Variants in GRM3 observed in about 807,000 individuals in gnomAD.
The protein encoded by GRM3 is metabotropic glutamate receptor 3.
Under a neutral mutation model 70.5 loss-of-function variants are expected in GRM3, and 26 were observed. The observed-to-expected ratio is 0.37, with a 90% CI of 0.27 to 0.51. The LOEUF is 0.51. Ranked by LOEUF, GRM3 falls within the 20% of genes least tolerant of loss-of-function variation. The pLI is 0.93. For missense variants in GRM3, 859 were observed against 1,123.8 expected, an observed-to-expected ratio of 0.76 and a Z score of 3.37; for synonymous variants, 443 against 434.9, an observed-to-expected ratio of 1.02 and a Z score of -0.23.
chr7:86,675,107 G>A (rs182525010), intron 1 of GRM3, among the ~76,000 whole-genome samples: 39 of 152,166 alleles, frequency 2.6e-4, no homozygotes, highest in Admixed American at 1.4e-3. Flanking sequence ...ATATAAATTA[G>A]TATAGCACTA....
At chr7:86,844,106 C>T (rs1243182939) in intron 4 of GRM3, among the ~76,000 whole-genome samples, 1 of 152,088 alleles carries the variant, frequency 6.6e-6, no homozygotes, top group East Asian at 1.9e-4. Context: ...TAGGCAGAGT[C>T]TTGGGAATTG....
At chr7:86,802,129 G>A (rs1301124905) in intron 3 of GRM3, among the ~76,000 whole-genome samples, 2 of 152,032 alleles carry the variant, frequency 1.3e-5, no homozygotes. Flanking sequence ...AAATCCATCA[G>A]GTTGGTAGAT....
intron 1 of GRM3, among the ~76,000 whole-genome samples, chr7:86,744,962 T>C (rs754986802): frequency 7.2e-5 from 11 of 152,110 alleles, no homozygotes; most frequent in African/African-American, 9.6e-5. Flanking sequence ...CCCCTTGCTG[T>C]AGTCAAATCT....
intron 3 of GRM3, among the ~76,000 whole-genome samples, chr7:86,788,029 A>G (rs1189192330): frequency 6.6e-6 from 1 of 152,238 alleles, no homozygotes; most frequent in Non-Finnish European, 1.5e-5. Flanking sequence ...ATATTAAGTA[A>G]TATTTGGGGC....
In GRM3 at chr7:86,745,142, T is replaced by C. The variant is rs923802435; in HGVS notation, c.-140-19864T>C. Reference sequence around the variant, plus strand: ...GGTCATTTTCTTTTCCAGTTGGCTTTGTTAAACAGCAGCAAAATGTCTGGG... The same window carrying C: ...GGTCATTTTCTTTTCCAGTTGGCTTCGTTAAACAGCAGCAAAATGTCTGGG... On this transcript the variant is annotated intron_variant, in intron 1 of 5. Transcript: ENST00000361669. Among the ~76,000 whole-genome samples the C allele has an allele frequency of 5.9e-5, 9 of 152,232 alleles. No individual in the cohort carries two copies. The Middle Eastern group carries it at 0.01, about 173-fold the overall frequency.
chr7:86,708,635 C>T (rs1469948798), intron 1 of GRM3, among the ~76,000 whole-genome samples: 2 of 152,096 alleles, frequency 1.3e-5, no homozygotes, highest in Non-Finnish European at 1.5e-5. Context: ...TGGATTTAAA[C>T]ACATTTCCTC....
At chr7:86,671,038 C>G (rs935203765) in intron 1 of GRM3, among the ~76,000 whole-genome samples, 1 of 152,070 alleles carries the variant, frequency 6.6e-6, no homozygotes, top group Admixed American at 6.6e-5. Context: ...ATATGAAACA[C>G]ATTTTTGTTT....
At chr7:86,853,723 TTATC>T (rs1798796280) in intron 5 of GRM3, among the ~76,000 whole-genome samples, 1 of 152,160 alleles carries the variant, frequency 6.6e-6, no homozygotes, top group Non-Finnish European at 1.5e-5. Flanking sequence ...TTCCTCCACT[TTATC>T]TATTCCTGCA....
At chr7:86,702,067 A>G (rs888244328) in intron 1 of GRM3, among the ~76,000 whole-genome samples, 1 of 151,968 alleles carries the variant, frequency 6.6e-6, no homozygotes, top group Non-Finnish European at 1.5e-5. Context: ...TTATTTATTT[A>G]TTTCGTTGTA....
intron 1 of GRM3, among the ~76,000 whole-genome samples, chr7:86,764,094 T>C (rs796609684): frequency 6.6e-6 from 1 of 152,126 alleles, no homozygotes; most frequent in Non-Finnish European, 1.5e-5. Flanking sequence ...GATCCATTCA[T>C]AGACACGCAG....
At chr7:86,840,900 C>G (rs1034667497) in intron 4 of GRM3, among the ~76,000 whole-genome samples, 1 of 151,848 alleles carries the variant, frequency 6.6e-6, no homozygotes, top group Non-Finnish European at 1.5e-5. Flanking sequence ...AATTGCAGCC[C>G]AAAAAGAAGA....
At chr7:86,689,855 T>C (rs911639026) in intron 1 of GRM3, among the ~76,000 whole-genome samples, 4 of 152,070 alleles carry the variant, frequency 2.6e-5, no homozygotes, top group Admixed American at 2.6e-4. Context: ...TTTCATAAAA[T>C]CCCCTATATA....
intron 1 of GRM3, among the ~76,000 whole-genome samples, chr7:86,700,474 T>C (rs1794922943): frequency 6.6e-6 from 1 of 151,922 alleles, no homozygotes; most frequent in Admixed American, 6.6e-5. Context: ...CTCACATCAG[T>C]CCCCAGCTAC....
intron 3 of GRM3, among the ~76,000 whole-genome samples, chr7:86,823,686 G>A (rs992597279): frequency 3.4e-5 from 4 of 118,442 alleles, no homozygotes; most frequent in East Asian, 2.2e-4. Flanking sequence ...TTCTTTTCCC[G>A]GGTTCTAAAC....
chr7:86,766,252 G>A (rs1249911664), intron 2 of GRM3, among the ~76,000 whole-genome samples: 1 of 152,024 alleles, frequency 6.6e-6, no homozygotes, highest in Non-Finnish European at 1.5e-5. Flanking sequence ...AAGGCATAAT[G>A]TCATGGAACT....
At chr7:86,806,058 T>G (rs1039585715) in intron 3 of GRM3, among the ~76,000 whole-genome samples, 2 of 152,144 alleles carry the variant, frequency 1.3e-5, no homozygotes, top group African/African-American at 4.8e-5. Context: ...TTCATCCATG[T>G]CCCTGCAAAG....
chr7:86,654,633 C>G (rs1793689111), intron 1 of GRM3, among the ~76,000 whole-genome samples: 1 of 152,192 alleles, frequency 6.6e-6, no homozygotes, highest in South Asian at 2.1e-4. Context: ...TGACATTTTT[C>G]TTCTGTTTAG....
intron 1 of GRM3, among the ~76,000 whole-genome samples, chr7:86,763,422 G>C (rs1159660793): frequency 6.6e-6 from 1 of 152,104 alleles, no homozygotes; most frequent in Non-Finnish European, 1.5e-5. Context: ...TGCTGACCAA[G>C]TGTTTGCTCT....
At position 86,750,425 on chromosome 7, in the gene GRM3, T is replaced by G. The variant is rs141799153; in HGVS notation, c.-140-14581T>G. ...CAAATGATGTAGGCTTTACTAGTTC[T>G]ATGGGCTAAGTAACTGAATTAGCTT... On this transcript the variant is annotated intron_variant, in intron 1 of 5. Transcript: ENST00000361669. Among the ~76,000 whole-genome samples the G allele has an allele frequency of 3.4e-3, 510 of 152,224 alleles. 4 individuals are homozygous for G. Among genetic ancestry groups the G allele is most frequent in the African/African-American group, 0.011 (477 of 41,558 alleles).
Sources: allele counts gnomAD v4.1 joint callset (sites outside exome capture counted in the v4.1 genomes callset), GRCh38; gene constraint gnomAD v4.1.1; transcripts MANE v1.5; gene names NCBI Gene and HGNC (gene_info 2026-07-23, HGNC 2026-07-21).